The following HIPK3 variants were observed in gnomAD, a reference collection of about 807,000 sequenced individuals.
HIPK3 encodes homeodomain-interacting protein kinase 3.
Under a neutral mutation model 124.2 loss-of-function variants are expected in HIPK3, and 47 were observed. The ratio of observed to expected loss-of-function variants is 0.38; its 90% confidence interval spans 0.30 to 0.48. The LOEUF (loss-of-function observed/expected upper bound fraction) is 0.48. HIPK3 is among the 20% of genes least tolerant of loss of function. HIPK3 has a pLI of 0.98. For missense variants in HIPK3, 1,286 were observed against 1,454.3 expected, an observed-to-expected ratio of 0.88 and a Z score of 1.88; for synonymous variants, 482 against 515.2, an observed-to-expected ratio of 0.94 and a Z score of 0.87.
rs947821079 is a variant in HIPK3 at position 33,354,756 on chromosome 11, T to A, written c.*1188T>A. The A allele has an allele frequency of 6.6e-6, 1 of 151,800 alleles. No homozygotes were observed. The highest frequency in any genetic ancestry group is 2.4e-5 in the African/African-American group (1 of 41,396). The allele number at this position is 151,800 out of a possible 1,614,324, so 9.4% of individuals were successfully genotyped here. A position where few individuals can be genotyped will look rare whatever the true frequency, so the allele number is the denominator to read the frequency against. On this transcript the variant is annotated 3_prime_UTR_variant, in exon 17 of 17. Transcript: ENST00000303296. ...CAGTACTTGTTTTGCTTGTTGGTGA[T>A]GTTTGCTTATTTAATACATTCCGTC...
At chr11:33,298,484 C>T (rs1237152207) in intron 2 of HIPK3, among the ~76,000 whole-genome samples, 1 of 152,204 alleles carries the variant, frequency 6.6e-6, no homozygotes, top group Non-Finnish European at 1.5e-5. Context: ...ACTTTCAAGT[C>T]TCATTCTTTA....
At chr11:33,351,141 A>G (rs1416484255) in intron 14 of HIPK3, among the ~76,000 whole-genome samples, 1 of 152,176 alleles carries the variant, frequency 6.6e-6, no homozygotes, top group Non-Finnish European at 1.5e-5. Flanking sequence ...TACCTTTCAG[A>G]TACCTGGTTA....
At chr11:33,321,104 G>A (rs1053644685) in intron 2 of HIPK3, among the ~76,000 whole-genome samples, 2 of 152,158 alleles carry the variant, frequency 1.3e-5, no homozygotes, top group African/African-American at 4.8e-5. Flanking sequence ...AAAAGGGTGT[G>A]CTAGTGAGAT....
chr11:33,349,127 T>C lies in HIPK3; in HGVS notation c.2667-20T>C, dbSNP rs2133999510. The C allele has an allele frequency of 1.2e-6, 2 of 1,606,436 alleles. No homozygotes were observed. The highest frequency in any genetic ancestry group is 1.7e-6 in the Non-Finnish European group (2 of 1,176,214). On this transcript the variant is annotated intron_variant, in intron 13 of 16. Transcript: ENST00000303296. The stretch of plus-strand genomic sequence containing the variant: ...TCTTCTTGTATTTGACTCATGTTTT[T>C]CCCTTTTCTCTTCCACTAGATGTAA...
chr11:33,294,630 G>A (rs532006860), intron 2 of HIPK3, among the ~76,000 whole-genome samples: 1 of 151,824 alleles, frequency 6.6e-6, no homozygotes, highest in South Asian at 2.1e-4. Context: ...TTAAAGACAA[G>A]GTCTTGCTTT....
At chr11:33,317,673 T>G (rs1394201508) in intron 2 of HIPK3, among the ~76,000 whole-genome samples, 1 of 152,244 alleles carries the variant, frequency 6.6e-6, no homozygotes, top group South Asian at 2.1e-4. Context: ...TGATAATTGC[T>G]GATACAACTT....
intron 3 of HIPK3, among the ~76,000 whole-genome samples, chr11:33,331,598 C>A (rs1327985821): frequency 6.6e-6 from 1 of 152,040 alleles, no homozygotes; most frequent in African/African-American, 2.4e-5. Context: ...AAGCTGGTCT[C>A]AAAGTCCTGG....
chr11:33,288,489 T>A (rs1388436546), intron 2 of HIPK3, among the ~76,000 whole-genome samples: 1 of 152,164 alleles, frequency 6.6e-6, no homozygotes, highest in African/African-American at 2.4e-5. Flanking sequence ...TATACTTCTT[T>A]GGCTCCCGTG....
At chr11:33,269,484 T>G (rs761740480) in intron 1 of HIPK3, among the ~76,000 whole-genome samples, 4 of 152,226 alleles carry the variant, frequency 2.6e-5, no homozygotes, top group African/African-American at 4.8e-5. Context: ...CCTGCTTTTT[T>G]TTTGACAGGT....
At position 33,347,277 on chromosome 11, in the gene HIPK3, CTA is replaced by C. The variant is rs1336747310; in HGVS notation, c.1898-14_1898-13del. On this transcript the variant is annotated splice_polypyrimidine_tract_variant and intron_variant, in intron 8 of 16. Transcript: ENST00000303296. ...GAAGATTTTTTCTTTTATTTGATAA[CTA>C]TTCTGTTTCACAGGTATTCCTGCAA... is the stretch of plus-strand genomic sequence containing the variant. 2 of 1,598,036 alleles carry C rather than the reference CTA, an allele frequency of 1.3e-6. No individual in the cohort carries two copies. Among genetic ancestry groups the C allele is most frequent in the Non-Finnish European group, 1.7e-6 (2 of 1,171,192 alleles).
At chr11:33,266,452 C>T (rs1850967776) in intron 1 of HIPK3, among the ~76,000 whole-genome samples, 1 of 152,170 alleles carries the variant, frequency 6.6e-6, no homozygotes, top group Non-Finnish European at 1.5e-5. Context: ...AATCCCAGCA[C>T]TCTGGGAGGC....
intron 2 of HIPK3, among the ~76,000 whole-genome samples, chr11:33,309,985 T>C (rs1414386570): frequency 3.3e-5 from 5 of 152,224 alleles, no homozygotes; most frequent in Non-Finnish European, 7.3e-5. Context: ...TGCCATTCCA[T>C]CCATTTTCTT....
chr11:33,347,914 A>G lies in HIPK3; in HGVS notation c.2207A>G (p.Gln736Arg), dbSNP rs774569615. The G allele has an allele frequency of 2.5e-6, 4 of 1,614,208 alleles. No individual in the cohort carries two copies. The South Asian group carries it at 4.4e-5, about 18-fold the overall frequency. ...SVMPQPLLTN[Q>R]ITLSAPQPVS... ...ATGCCGCAGCCTCTTCTGACCAATCAGATAACTTTATCTGCCCCTCAGCCA... is the reference window on the plus strand; with the variant it reads ...ATGCCGCAGCCTCTTCTGACCAATCGGATAACTTTATCTGCCCCTCAGCCA... The change falls in exon 11 of 17, where the codon CAG becomes CGG. Residue 736 changes from glutamine to arginine, a missense_variant. Physicochemically the swap from Gln to Arg is conservative, Grantham distance 43. This residue lies in a region of HIPK3 where 810 missense variants were observed against 864.9 expected (regional missense o/e 0.94). Transcript: ENST00000303296.
chr11:33,280,498 A>G (rs1420700574), intron 1 of HIPK3, among the ~76,000 whole-genome samples: 1 of 152,190 alleles, frequency 6.6e-6, no homozygotes, highest in Non-Finnish European at 1.5e-5. Context: ...GGTCTTTTAT[A>G]CCTGTCTCCA....
At chr11:33,303,129 T>C (rs1852052666) in intron 2 of HIPK3, among the ~76,000 whole-genome samples, 1 of 152,186 alleles carries the variant, frequency 6.6e-6, no homozygotes, top group Non-Finnish European at 1.5e-5. Flanking sequence ...GAGGGATTGG[T>C]TCCAGGACCC....
At chr11:33,271,534 C>A (rs1183024490) in intron 1 of HIPK3, among the ~76,000 whole-genome samples, 2 of 152,064 alleles carry the variant, frequency 1.3e-5, no homozygotes, top group Non-Finnish European at 2.9e-5. Context: ...CCACTGCATT[C>A]CAGCCTGGGC....
intron 6 of HIPK3, among the ~76,000 whole-genome samples, 192 bp downstream of exon 6, chr11:33,339,726 A>G (rs1437869374): frequency 6.6e-6 from 1 of 152,224 alleles, no homozygotes; most frequent in Non-Finnish European, 1.5e-5. Context: ...ATTGCAGTCC[A>G]GTGTTCCTTC....
intron 2 of HIPK3, among the ~76,000 whole-genome samples, chr11:33,301,505 G>A (rs1851997608): frequency 6.6e-6 from 1 of 151,960 alleles, no homozygotes; most frequent in South Asian, 2.1e-4. Context: ...CAGAACTAAG[G>A]GTGAGGTATA....
intron 1 of HIPK3, among the ~76,000 whole-genome samples, chr11:33,262,694 C>T (rs1284180954): frequency 6.6e-6 from 1 of 152,188 alleles, no homozygotes; most frequent in African/African-American, 2.4e-5. Flanking sequence ...ACAGAAAGTC[C>T]TTGAAATGGA....
Sources: gnomAD v4.1 joint callset for allele counts (sites outside exome capture counted in the v4.1 genomes callset) on GRCh38, gnomAD v4.1.1 for gene constraint, gnomAD v4.1.1 regional missense constraint, MANE v1.5 for transcripts, NCBI Gene and HGNC (gene_info 2026-07-23, HGNC 2026-07-21) for gene names.